RNF220: variants seen among roughly 807,000 people sequenced by gnomAD.
The protein encoded by RNF220 is ring finger protein 220.
A neutral mutation model predicts 67.1 loss-of-function variants in RNF220; 7 were observed. The observed-to-expected ratio is 0.10, with a 90% CI of 0.06 to 0.20. The LOEUF (loss-of-function observed/expected upper bound fraction) is 0.20, where lower values mean the gene tolerates loss of function less well. RNF220 is among the 10% of genes least tolerant of loss of function. RNF220 has a pLI of 1.00. For missense variants in RNF220, 565 were observed against 740.3 expected (o/e 0.76, Z 2.75); for synonymous variants, 270 against 283.2 (o/e 0.95, Z 0.47).
chr1:44,413,630 G>A (rs1292123294), intron 2 of RNF220, among the ~76,000 whole-genome samples: 2 of 152,190 alleles, frequency 1.3e-5, no homozygotes, highest in Non-Finnish European at 2.9e-5. Context: ...TTTTCTTCAA[G>A]CCTGGTGAGA....
chr1:44,511,812 A>G (rs1363969614), intron 2 of RNF220, among the ~76,000 whole-genome samples: 1 of 152,204 alleles, frequency 6.6e-6, no homozygotes, highest in East Asian at 1.9e-4. Flanking sequence ...AATGGTAAAC[A>G]AGCCTAAAAA....
intron 2 of RNF220, among the ~76,000 whole-genome samples, chr1:44,544,415 G>A (rs1241924892): frequency 6.6e-6 from 1 of 152,138 alleles, no homozygotes; most frequent in Admixed American, 6.5e-5. Context: ...TTCCTTATAG[G>A]TAAAATGGGA....
intron 6 of RNF220, among the ~76,000 whole-genome samples, chr1:44,634,806 T>C (rs1452524244): frequency 6.6e-6 from 1 of 152,242 alleles, no homozygotes; most frequent in African/African-American, 2.4e-5. Flanking sequence ...TGGGACAACA[T>C]GGCAGGCAGC....
At position 44,645,515 on chromosome 1, in the gene RNF220, TG is replaced by T; in HGVS notation, c.1445+30del. 6.2e-7 allele frequency: 1 copy of T among 1,609,446 alleles called. No homozygotes were observed. ...TAAGTGTTTGGCCAGGAGAGAGCCC[TG>T]GGACCACAGTTCAGTGGGAGGAGGG... On this transcript the variant is annotated intron_variant, in intron 12 of 14. Coordinates refer to ENST00000361799, the MANE Select transcript of RNF220 (RefSeq NM_018150.4). This position sits in a 1 kb window ranked among gnomAD's most constrained non-coding sequence, Gnocchi z 5.0.
At chr1:44,547,526 G>A (rs974931392) in intron 2 of RNF220, among the ~76,000 whole-genome samples, 1 of 151,632 alleles carries the variant, frequency 6.6e-6, no homozygotes, top group African/African-American at 2.4e-5. Context: ...TCCTTCTCTG[G>A]CTCTTTGCCC....
rs564595359 is a variant in RNF220, at chr1:44,600,921, A to G, written c.626-13244A>G. On this transcript the variant is annotated intron_variant, in intron 2 of 14. Transcript: ENST00000361799. This position sits in a 1 kb window ranked among gnomAD's most constrained non-coding sequence, Gnocchi z 4.0. ...TCTTCAACAAGTACTTATCTATCAC[A>G]CCTCAGCTTGTGTCTCTAGGTTTCT... Among the ~76,000 whole-genome samples, 2 of 152,026 alleles carry G rather than the reference A, an allele frequency of 1.3e-5. No individual in the cohort carries two copies. The highest frequency in any genetic ancestry group is 4.8e-5 in the African/African-American group (2 of 41,440).
intron 2 of RNF220, among the ~76,000 whole-genome samples, chr1:44,451,280 T>C (rs1191722788): frequency 2.0e-5 from 3 of 152,078 alleles, no homozygotes; most frequent in Non-Finnish European, 4.4e-5. Context: ...TCATTACACA[T>C]CTCACCAACA....
chr1:44,496,089 T>A (rs751034624), intron 2 of RNF220, among the ~76,000 whole-genome samples: 2 of 152,138 alleles, frequency 1.3e-5, no homozygotes, highest in Non-Finnish European at 2.9e-5. Flanking sequence ...GATCTGGGTT[T>A]TAGAAGGAGC....
intron 2 of RNF220, among the ~76,000 whole-genome samples, chr1:44,577,893 A>G (rs1183536148): frequency 1.3e-5 from 2 of 151,160 alleles, no homozygotes; most frequent in Non-Finnish European, 2.9e-5. Context: ...CTGGAGTGCA[A>G]TGGCATGATC....
Position 44,649,853 on chromosome 1 carries a change from G to A in RNF220, c.1555-30G>A, listed in dbSNP as rs1261053869. On this transcript the variant is annotated intron_variant, in intron 13 of 14. Coordinates refer to ENST00000361799, the MANE Select transcript of RNF220 (RefSeq NM_018150.4). The surrounding 1 kb of genome is among the most constrained non-coding windows in gnomAD (Gnocchi z 5.9). ...TTGGAGAGGGTGGGCCTACCTCAGA[G>A]TGACCCCTTCTCTGCCCCCTCCTCC... 6.2e-7 allele frequency: 1 copy of A among 1,613,824 alleles called. No homozygotes were observed. The highest frequency in any genetic ancestry group is 8.5e-7 in the Non-Finnish European group (1 of 1,179,872).
At chr1:44,449,065 C>A (rs1652400634) in intron 2 of RNF220, among the ~76,000 whole-genome samples, 1 of 152,212 alleles carries the variant, frequency 6.6e-6, no homozygotes, top group African/African-American at 2.4e-5. Flanking sequence ...CATGTCAAAA[C>A]TGATTGTATT....
chr1:44,544,973 T>C lies in RNF220; in HGVS notation c.626-69192T>C, dbSNP rs118100121. ...AGTTAATGCAACCAGGAAATACTTA[T>C]TGAGCATGTACCAAGTGTCAAGCAT... On this transcript the variant is annotated intron_variant, in intron 2 of 14. Transcript: ENST00000361799. Among the ~76,000 whole-genome samples the C allele has an allele frequency of 8.4e-3, 1,278 of 152,350 alleles. 67 individuals carry two copies. Among genetic ancestry groups the C allele is most frequent in the Admixed American group, 0.071 (1,088 of 15,298 alleles).
At chr1:44,592,011 C>T (rs1666151258) in intron 2 of RNF220, among the ~76,000 whole-genome samples, 1 of 152,162 alleles carries the variant, frequency 6.6e-6, no homozygotes, top group Non-Finnish European at 1.5e-5. Context: ...GCCTGGGCCT[C>T]ACTCCTTACT....
chr1:44,613,390 T>C (rs272543), intron 2 of RNF220, among the ~76,000 whole-genome samples: 2 of 133,386 alleles, frequency 1.5e-5, no homozygotes, highest in African/African-American at 3.2e-5. Context: ...ATAGGGCTCT[T>C]CAACCCCACA....
At chr1:44,578,783 C>T (rs944608141) in intron 2 of RNF220, among the ~76,000 whole-genome samples, 1 of 152,208 alleles carries the variant, frequency 6.6e-6, no homozygotes, top group Non-Finnish European at 1.5e-5. Context: ...CACAAATATC[C>T]TGAGAGTGGG....
At position 44,412,450 on chromosome 1, in the gene RNF220, G is replaced by C; in HGVS notation, c.353G>C (p.Gly118Ala). The part of the protein sequence containing the change: ...PISMLNHSGV[G>A]AFRPFASTED... ...AGTATGCTGAATCATAGTGGTGTGG[G>C]GGCTTTCCGGCCCTTTGCCTCCACC... Residue 118 changes from glycine (G) to alanine (A), a missense_variant, in exon 2 of 15, where the codon GGG (glycine) becomes GCG (alanine). Gly to Ala is a moderately conservative substitution (Grantham distance 60). Coordinates refer to ENST00000361799, the MANE Select transcript of RNF220 (RefSeq NM_018150.4). This position sits in a 1 kb window ranked among gnomAD's most constrained non-coding sequence, Gnocchi z 5.3. 6.2e-7 allele frequency: 1 copy of C among 1,611,682 alleles called. No homozygotes were observed. The highest frequency in any genetic ancestry group is 8.5e-7 in the Non-Finnish European group (1 of 1,178,058).
intron 2 of RNF220, among the ~76,000 whole-genome samples, chr1:44,503,794 C>G (rs948934043): frequency 6.6e-6 from 1 of 152,152 alleles, no homozygotes; most frequent in East Asian, 1.9e-4. Context: ...AATCCTCAGG[C>G]GCCACCCTAG....
chr1:44,432,899 TC>T (rs373252133), intron 2 of RNF220, among the ~76,000 whole-genome samples: 53,070 of 115,890 alleles, frequency 0.46, 11,571 homozygotes, highest in Non-Finnish European at 0.51. Flanking sequence ...AATTGGCTTT[TC>T]TTTTTTTTTT....
intron 12 of RNF220, among the ~76,000 whole-genome samples, chr1:44,647,383 A>G (rs898138543): frequency 2.0e-5 from 3 of 152,146 alleles, no homozygotes; most frequent in Non-Finnish European, 2.9e-5. Flanking sequence ...GATGGCACAT[A>G]TGGCATTGTG....
Sources: allele counts gnomAD v4.1 joint callset (sites outside exome capture counted in the v4.1 genomes callset), GRCh38; gene constraint gnomAD v4.1.1; non-coding constraint Gnocchi (gnomAD v3.1); transcripts MANE v1.5; gene names NCBI Gene and HGNC (gene_info 2026-07-23, HGNC 2026-07-21).